Variants in CNOT4 observed in about 807,000 individuals in gnomAD.
CNOT4 encodes the protein CCR4-associated factor 4.
A neutral mutation model predicts 73.8 loss-of-function variants in CNOT4; 8 were observed. The observed-to-expected ratio is 0.11, with a 90% CI of 0.06 to 0.20. CNOT4 has a LOEUF of 0.20. CNOT4 is among the 10% of genes least tolerant of loss of function. The probability of loss-of-function intolerance (pLI) is 1.00; values close to 1 mark genes in which losing one functional copy is unlikely to be tolerated. For synonymous variants in CNOT4, 293 were observed against 321.1 expected (o/e 0.91, Z 0.94); for missense variants, 564 against 883.4 (o/e 0.64, Z 4.58).
chr7:135,432,346 T>C (rs1659972062), intron 2 of CNOT4, among the ~76,000 whole-genome samples: 1 of 152,182 alleles, frequency 6.6e-6, no homozygotes, highest in Admixed American at 6.5e-5. Context: ...CACTGCAGCA[T>C]AATATGATTG....
At chr7:135,377,691 T>A (rs1408316421) in intron 10 of CNOT4, among the ~76,000 whole-genome samples, 1 of 152,180 alleles carries the variant, frequency 6.6e-6, no homozygotes, top group South Asian at 2.1e-4. Flanking sequence ...AAAATTTATA[T>A]GCTCATCACA....
intron 1 of CNOT4, among the ~76,000 whole-genome samples, chr7:135,507,914 T>G (rs1438141161): frequency 1.3e-5 from 2 of 152,222 alleles, no homozygotes; most frequent in Non-Finnish European, 2.9e-5. Flanking sequence ...CTTGCAGTTC[T>G]AAGAGTAGGT....
At chr7:135,449,752 A>G (rs1414890860) in intron 1 of CNOT4, among the ~76,000 whole-genome samples, 1 of 152,208 alleles carries the variant, frequency 6.6e-6, no homozygotes, top group Non-Finnish European at 1.5e-5. Flanking sequence ...ACAACTGAAA[A>G]GACTTTGACA....
chr7:135,503,558 T>C (rs1804145844), intron 1 of CNOT4, among the ~76,000 whole-genome samples: 1 of 152,228 alleles, frequency 6.6e-6, no homozygotes, highest in Admixed American at 6.5e-5. Flanking sequence ...GGTTCATACC[T>C]ACTTTTGTAC....
chr7:135,369,615 T>C (rs1270377597), intron 10 of CNOT4, among the ~76,000 whole-genome samples: 1 of 152,228 alleles, frequency 6.6e-6, no homozygotes, highest in Non-Finnish European at 1.5e-5. Flanking sequence ...AAATCTTTCT[T>C]GGTGCAAGTG....
chr7:135,479,463 C>T (rs1052115104), intron 1 of CNOT4, among the ~76,000 whole-genome samples: 33 of 151,856 alleles, frequency 2.2e-4, no homozygotes, highest in African/African-American at 8.0e-4. Flanking sequence ...CCCGCCTCGG[C>T]CTCCCAAAGT....
At chr7:135,484,421 A>G (rs528030007) in intron 1 of CNOT4, among the ~76,000 whole-genome samples, 1 of 152,094 alleles carries the variant, frequency 6.6e-6, no homozygotes, top group Non-Finnish European at 1.5e-5. Context: ...CTACCCAAAA[A>G]TCCCCCCAAA....
chr7:135,497,648 C>T (rs976077927), intron 1 of CNOT4, among the ~76,000 whole-genome samples: 1 of 152,176 alleles, frequency 6.6e-6, no homozygotes, highest in Admixed American at 6.5e-5. Context: ...GACTTAAAAA[C>T]AACAATAACA....
intron 1 of CNOT4, among the ~76,000 whole-genome samples, chr7:135,458,904 T>A (rs1323366767): frequency 6.6e-6 from 1 of 152,080 alleles, no homozygotes; most frequent in African/African-American, 2.4e-5. Context: ...AATGTTGGTA[T>A]TTTGACCTCC....
intron 1 of CNOT4, 168 bp downstream of exon 1, chr7:135,509,721 A>G (rs1804618626): frequency 8.0e-6 from 2 of 250,750 alleles, no homozygotes; most frequent in South Asian, 1.6e-4. Context: ...TAAAGGGGAG[A>G]GGGAGGAAGA....
intron 9 of CNOT4, among the ~76,000 whole-genome samples, 200 bp from the exon 10 acceptor site, chr7:135,394,615 C>G (rs541562049): frequency 6.6e-6 from 1 of 152,086 alleles, no homozygotes; most frequent in Non-Finnish European, 1.5e-5. Context: ...TCTTAAGCTA[C>G]TAGCTTCAAA....
intron 2 of CNOT4, among the ~76,000 whole-genome samples, chr7:135,433,564 C>T (rs1798981518): frequency 6.6e-6 from 1 of 151,820 alleles, no homozygotes; most frequent in Non-Finnish European, 1.5e-5. Context: ...CGCCATGTTA[C>T]CCAGGCTGGT....
At chr7:135,488,456 G>A (rs572777240) in intron 1 of CNOT4, among the ~76,000 whole-genome samples, 74 of 152,186 alleles carry the variant, frequency 4.9e-4, no homozygotes, top group African/African-American at 1.2e-3. Context: ...CAAGTGATCC[G>A]CCCGCCTCGG....
chr7:135,372,559 T>TG (rs1795273819), intron 10 of CNOT4, among the ~76,000 whole-genome samples: 1 of 151,302 alleles, frequency 6.6e-6, no homozygotes, highest in East Asian at 1.9e-4. Context: ...TACCATGTTT[T>TG]TTTTTTTTTT....
chr7:135,442,429 T>C (rs1175701220), intron 1 of CNOT4, among the ~76,000 whole-genome samples: 1 of 152,014 alleles, frequency 6.6e-6, no homozygotes, highest in Admixed American at 6.6e-5. Flanking sequence ...AAACCCCGTC[T>C]CTACTAAAAA....
At chr7:135,392,286 A>ATCC (rs1251655351) in intron 10 of CNOT4, among the ~76,000 whole-genome samples, 1 of 152,076 alleles carries the variant, frequency 6.6e-6, no homozygotes, top group Non-Finnish European at 1.5e-5. Flanking sequence ...TGGAAATTTT[A>ATCC]TCCATATCTT....
In CNOT4 at chr7:135,362,087, GAGA is replaced by G. The variant is rs1794676780; in HGVS notation, c.*795_*797del. On this transcript the variant is annotated 3_prime_UTR_variant, in exon 12 of 12. Transcript: ENST00000541284. ...TAAAACAAAAAAGATTCCGACAGAG[GAGA>G]AGGACTGAAGAAATGACTTACATTT... The G allele has an allele frequency of 6.5e-6, 1 of 152,690 alleles. No individual in the cohort carries two copies. Among genetic ancestry groups the G allele is most frequent in the East Asian group, 1.9e-4 (1 of 5,198 alleles). The allele number at this position is 152,690 out of a possible 1,614,324, so 9.5% of individuals were successfully genotyped here.
At chr7:135,438,576 T>A (rs1200852892) in intron 1 of CNOT4, among the ~76,000 whole-genome samples, 153 bp from the exon 2 acceptor site, 1 of 152,206 alleles carries the variant, frequency 6.6e-6, no homozygotes, top group African/African-American at 2.4e-5. Context: ...TCTGAAAATT[T>A]TGAATACCAA....
chr7:135,399,032 T>C (rs962823333), intron 7 of CNOT4, among the ~76,000 whole-genome samples: 5 of 152,114 alleles, frequency 3.3e-5, no homozygotes, highest in African/African-American at 1.2e-4. Context: ...GAAAATGTAG[T>C]ACCATGGTAA....
Sources: allele counts gnomAD v4.1 joint callset (sites outside exome capture counted in the v4.1 genomes callset), GRCh38; gene constraint gnomAD v4.1.1; transcripts MANE v1.5; gene names NCBI Gene and HGNC (gene_info 2026-07-23, HGNC 2026-07-21).